The following DPP10 variants were observed in gnomAD, a reference collection of about 807,000 sequenced individuals.
DPP10 encodes the protein inactive dipeptidyl peptidase 10.
DPP10 carries 33 observed loss-of-function variants against 120.9 expected under a neutral mutation model. The ratio of observed to expected loss-of-function variants is 0.27; its 90% CI spans 0.21 to 0.37. The LOEUF (loss-of-function observed/expected upper bound fraction) is 0.37, where lower values mean the gene tolerates loss of function less well. DPP10 is among the 10% of genes least tolerant of loss of function. The probability of loss-of-function intolerance (pLI) is 1.00; values close to 1 mark genes in which losing one functional copy is unlikely to be tolerated. For missense variants in DPP10, 816 were observed against 942.8 expected (o/e 0.87, Z 1.76); for synonymous variants, 337 against 326.1 (o/e 1.03, Z -0.36).
chr2:115,490,035 T>C (rs2105338348), intron 3 of DPP10, among the ~76,000 whole-genome samples: 1 of 152,248 alleles, frequency 6.6e-6, no homozygotes. Flanking sequence ...AATCAGAAAA[T>C]CTTTGACCCC....
intron 1 of DPP10, among the ~76,000 whole-genome samples, chr2:114,687,199 A>G (rs1354203777): frequency 6.6e-6 from 1 of 151,906 alleles, no homozygotes; most frequent in African/African-American, 2.4e-5. Flanking sequence ...CAGTTGAGTC[A>G]CCATTGCTTA....
In DPP10 at chr2:115,779,279, G is replaced by GT. The variant is rs1682473823; in HGVS notation, c.1361+1447dup. 2.0e-5 allele frequency among the ~76,000 whole-genome samples: 3 copies of GT among 152,180 alleles called. No homozygotes were observed. The South Asian group carries it at 6.2e-4, about 32-fold the overall frequency. Reference sequence around the variant, plus strand: ...GACATGTACTAGTGTAGTCGACAGTGTTACAAAGAAAATGTAGTAGCAATA... The same window carrying GT: ...GACATGTACTAGTGTAGTCGACAGTGTTTACAAAGAAAATGTAGTAGCAATA... On this transcript the variant is annotated intron_variant, in intron 15 of 25. Transcript: ENST00000410059.
At chr2:115,178,041 T>C (rs1188338218) in intron 1 of DPP10, among the ~76,000 whole-genome samples, 1 of 152,190 alleles carries the variant, frequency 6.6e-6, no homozygotes, top group Non-Finnish European at 1.5e-5. Flanking sequence ...ATTGCTTTTT[T>C]TTGATAAAAA....
At chr2:114,549,714 CAT>C (rs1687726455) in intron 1 of DPP10, among the ~76,000 whole-genome samples, 1 of 129,758 alleles carries the variant, frequency 7.7e-6, no homozygotes, top group Non-Finnish European at 1.7e-5. Context: ...AAAAAGAAAA[CAT>C]GTGGGTACAA....
chr2:115,561,547 A>C (rs1362631367), intron 5 of DPP10, among the ~76,000 whole-genome samples: 2 of 152,102 alleles, frequency 1.3e-5, no homozygotes, highest in Non-Finnish European at 2.9e-5. Flanking sequence ...TTCAAAATGT[A>C]CTTTAGCACA....
intron 1 of DPP10, among the ~76,000 whole-genome samples, chr2:114,812,647 C>T (rs1685280493): frequency 1.3e-5 from 2 of 148,694 alleles, no homozygotes; most frequent in Non-Finnish European, 3.0e-5. Flanking sequence ...CGAGCAGTAT[C>T]AATGTCTTTG....
At chr2:115,789,272 A>G (rs150271916) in intron 17 of DPP10, among the ~76,000 whole-genome samples, 64 of 152,354 alleles carry the variant, frequency 4.2e-4, no homozygotes, top group Non-Finnish European at 5.4e-4. Flanking sequence ...TAGCAATTAT[A>G]GAAAGTATGA....
intron 1 of DPP10, among the ~76,000 whole-genome samples, chr2:114,854,665 A>G (rs1417002041): frequency 6.6e-6 from 1 of 152,206 alleles, no homozygotes; most frequent in East Asian, 1.9e-4. Flanking sequence ...TTTCTTTGTT[A>G]TGGAAATTGT....
intron 1 of DPP10, among the ~76,000 whole-genome samples, chr2:114,886,400 T>C (rs930268069): frequency 1.3e-5 from 2 of 152,206 alleles, no homozygotes; most frequent in African/African-American, 4.8e-5. Flanking sequence ...TATTTGAATC[T>C]CATGTTGCCA....
chr2:115,123,973 G>A (rs1177165297), intron 1 of DPP10, among the ~76,000 whole-genome samples: 1 of 147,048 alleles, frequency 6.8e-6, no homozygotes, highest in Non-Finnish European at 1.5e-5. Flanking sequence ...TTTAGACAAA[G>A]TCTCACTCTG....
intron 3 of DPP10, among the ~76,000 whole-genome samples, chr2:115,403,389 T>C (rs1574726903): frequency 1.3e-4 from 3 of 23,848 alleles, no homozygotes; most frequent in Admixed American, 7.5e-4. Flanking sequence ...TTCTTTTTTT[T>C]TTTTTTTTTT....
At chr2:115,196,800 G>A (rs1353514547) in intron 1 of DPP10, among the ~76,000 whole-genome samples, 2 of 152,124 alleles carry the variant, frequency 1.3e-5, no homozygotes, top group Non-Finnish European at 2.9e-5. Context: ...TGGATGTGTG[G>A]GTGTGGTATG....
At chr2:114,742,917 C>T (rs1186702506) in intron 1 of DPP10, among the ~76,000 whole-genome samples, 1 of 152,152 alleles carries the variant, frequency 6.6e-6, no homozygotes, top group African/African-American at 2.4e-5. Flanking sequence ...TTAGTCCTTG[C>T]CATATCGTGT....
chr2:115,762,480 A>G, intron 11 of DPP10, 92 bp from the exon 12 acceptor site: 1 of 1,378,296 alleles, frequency 7.3e-7, no homozygotes, highest in South Asian at 1.2e-5. Flanking sequence ...AGAGAGGGAA[A>G]AAAAACTGAT....
chr2:114,511,671 A>G (rs1684157581), intron 1 of DPP10, among the ~76,000 whole-genome samples: 1 of 152,228 alleles, frequency 6.6e-6, no homozygotes, highest in Non-Finnish European at 1.5e-5. Flanking sequence ...ATTTGTAAAG[A>G]TGCTGTCTAA....
intron 3 of DPP10, among the ~76,000 whole-genome samples, chr2:115,374,622 C>T (rs1034549025): frequency 2.0e-5 from 3 of 152,188 alleles, no homozygotes; most frequent in Admixed American, 6.5e-5. Context: ...ATGAGGGCTC[C>T]GCACATGCAG....
intron 1 of DPP10, among the ~76,000 whole-genome samples, chr2:114,522,422 A>T (rs1022425813): frequency 6.6e-6 from 1 of 152,242 alleles, no homozygotes; most frequent in Non-Finnish European, 1.5e-5. Flanking sequence ...ACCTAACCAT[A>T]GAAGATAAAT....
At chr2:115,139,649 G>C (rs989781241) in intron 1 of DPP10, among the ~76,000 whole-genome samples, 3 of 138,454 alleles carry the variant, frequency 2.2e-5, no homozygotes, top group African/African-American at 7.9e-5. Context: ...GTGAAAAGCA[G>C]GTTTTGTGAA....
At chr2:115,476,567 T>G (rs2075096122) in intron 3 of DPP10, among the ~76,000 whole-genome samples, 1 of 152,110 alleles carries the variant, frequency 6.6e-6, no homozygotes. Flanking sequence ...GCCACACATA[T>G]TTAAATAGCC....
Sources: gnomAD v4.1 joint callset for allele counts (sites outside exome capture counted in the v4.1 genomes callset) on GRCh38, gnomAD v4.1.1 for gene constraint, MANE v1.5 for transcripts, NCBI Gene and HGNC (gene_info 2026-07-23, HGNC 2026-07-21) for gene names.